Variants in TSNARE1 observed in about 807,000 individuals in gnomAD.
TSNARE1 encodes the protein t-SNARE domain containing 1.
In TSNARE1, 49 loss-of-function variants were observed where a neutral mutation model predicts 62.0. That is an observed-to-expected ratio of 0.79 (90% CI 0.63 to 1.00). The LOEUF (loss-of-function observed/expected upper bound fraction) is 1.00, where lower values mean the gene tolerates loss of function less well. Ranked by LOEUF, TSNARE1 falls within the 50% of genes least tolerant of loss-of-function variation. The pLI, the probability that TSNARE1 is intolerant of heterozygous loss-of-function variation, is 0.00. For synonymous variants in TSNARE1, 328 were observed against 294.4 expected (o/e 1.11, Z -1.17); for missense variants, 755 against 700.1 (o/e 1.08, Z -0.88).
chr8:142,303,385 C>A (rs573394146), intron 9 of TSNARE1, among the ~76,000 whole-genome samples: 39 of 152,326 alleles, frequency 2.6e-4, no homozygotes, highest in African/African-American at 8.7e-4. Flanking sequence ...CGTTTATGCC[C>A]AGGGCCCAGC....
At chr8:142,307,105 G>A (rs975993240) in intron 9 of TSNARE1, among the ~76,000 whole-genome samples, 4 of 152,174 alleles carry the variant, frequency 2.6e-5, no homozygotes, top group Non-Finnish European at 4.4e-5. Flanking sequence ...CGTTATGTCC[G>A]AGGCATCACT....
At chr8:142,347,762 T>C (rs1169802943) in intron 2 of TSNARE1, among the ~76,000 whole-genome samples, 1 of 51,810 alleles carries the variant, frequency 1.9e-5, no homozygotes, top group Non-Finnish European at 3.7e-5. Flanking sequence ...CCACACTGCA[T>C]CCGCTCACCC....
intron 6 of TSNARE1, among the ~76,000 whole-genome samples, chr8:142,326,788 C>T (rs1038428091): frequency 2.0e-5 from 3 of 152,176 alleles, no homozygotes; most frequent in Admixed American, 1.3e-4. Flanking sequence ...GAAAAATACC[C>T]GATCAGGACA....
At chr8:142,347,015 C>T (rs1379284814) in intron 2 of TSNARE1, among the ~76,000 whole-genome samples, 1 of 152,246 alleles carries the variant, frequency 6.6e-6, no homozygotes, top group Non-Finnish European at 1.5e-5. Flanking sequence ...ACCACACAGG[C>T]AGAGACAGGC....
At chr8:142,239,846 A>C (rs1453583911) in intron 12 of TSNARE1, among the ~76,000 whole-genome samples, 1 of 152,256 alleles carries the variant, frequency 6.6e-6, no homozygotes, top group African/African-American at 2.4e-5. Flanking sequence ...ACAATGGTGG[A>C]TGGGACCCAA....
chr8:142,313,813 G>A (rs10107365), intron 9 of TSNARE1, among the ~76,000 whole-genome samples: 34,697 of 152,028 alleles, frequency 0.23, 4,541 homozygotes, highest in African/African-American at 0.35. Flanking sequence ...TCACTCTGTC[G>A]CCCAGGCTGG....
At chr8:142,339,888 G>A (rs912165408) in intron 4 of TSNARE1, among the ~76,000 whole-genome samples, 12 of 152,266 alleles carry the variant, frequency 7.9e-5, no homozygotes, top group African/African-American at 1.7e-4. Flanking sequence ...CAGCTGCGCC[G>A]GGGGTGTCTC....
At chr8:142,401,088 G>C (rs1838257791) in intron 1 of TSNARE1, among the ~76,000 whole-genome samples, 3 of 152,140 alleles carry the variant, frequency 2.0e-5, no homozygotes, top group Admixed American at 6.5e-5. Context: ...TCCCCACCTG[G>C]AAGGTGACTC....
At chr8:142,268,590 C>T (rs983294792) in intron 12 of TSNARE1, among the ~76,000 whole-genome samples, 2 of 152,170 alleles carry the variant, frequency 1.3e-5, no homozygotes, top group African/African-American at 4.8e-5. Context: ...CAGTCCCTTC[C>T]GTCTTAGTAA....
chr8:142,402,806 G>A (rs973823722), intron 1 of TSNARE1: 1 of 152,212 alleles, frequency 6.6e-6, no homozygotes, highest in South Asian at 2.1e-4. Context: ...TCTGAACAGC[G>A]CGCGAGGACC....
chr8:142,378,490 G>A (rs1564002334), intron 1 of TSNARE1, among the ~76,000 whole-genome samples: 1 of 152,178 alleles, frequency 6.6e-6, no homozygotes, highest in Admixed American at 6.5e-5. Context: ...AATTATACAC[G>A]CTTGAAGTTT....
At chr8:142,337,148 G>T (rs1356255216) in intron 4 of TSNARE1, among the ~76,000 whole-genome samples, 1 of 152,056 alleles carries the variant, frequency 6.6e-6, no homozygotes, top group East Asian at 1.9e-4. Flanking sequence ...AATCAATAGA[G>T]AAAACTAATG....
intron 11 of TSNARE1, among the ~76,000 whole-genome samples, chr8:142,280,949 G>T (rs990248150): frequency 6.6e-6 from 1 of 152,188 alleles, no homozygotes; most frequent in African/African-American, 2.4e-5. Context: ...TTGAGGGGCC[G>T]GCCTGGCCCA....
chr8:142,379,198 A>G (rs969722412), intron 1 of TSNARE1, among the ~76,000 whole-genome samples: 1 of 152,210 alleles, frequency 6.6e-6, no homozygotes, highest in Non-Finnish European at 1.5e-5. Flanking sequence ...CCTCATCTGT[A>G]TAGTGGGCAT....
chr8:142,392,086 C>T (rs770321657), intron 1 of TSNARE1, among the ~76,000 whole-genome samples: 12 of 152,236 alleles, frequency 7.9e-5, no homozygotes, highest in South Asian at 2.1e-4. Context: ...TGCAATGGTG[C>T]GATCTCAGTT....
chr8:142,314,704 G>A (rs1300430439), intron 8 of TSNARE1, among the ~76,000 whole-genome samples: 1 of 152,236 alleles, frequency 6.6e-6, no homozygotes, highest in Non-Finnish European at 1.5e-5. Flanking sequence ...TCCACGCGTG[G>A]GAGCTCTCTG....
chr8:142,334,646 A>G (rs1831511126), intron 4 of TSNARE1, among the ~76,000 whole-genome samples: 2 of 152,268 alleles, frequency 1.3e-5, no homozygotes, highest in African/African-American at 4.8e-5. Flanking sequence ...TCCAAGGTAC[A>G]TTATAGGCAA....
chr8:142,274,710 C>T (rs1820151355), intron 12 of TSNARE1, 71 bp downstream of exon 12: 14 of 1,417,162 alleles, frequency 9.9e-6, no homozygotes, highest in Admixed American at 6.2e-5. Flanking sequence ...TCCAGACAGA[C>T]GGAGGGAGGG....
intron 12 of TSNARE1, among the ~76,000 whole-genome samples, chr8:142,256,376 C>A (rs867923548): frequency 0.014 from 57 of 4,176 alleles, no homozygotes; most frequent in African/African-American, 0.036. Context: ...ATCATCACCA[C>A]CATCATCATC....
Sources: gnomAD v4.1 joint callset for allele counts (sites outside exome capture counted in the v4.1 genomes callset) on GRCh38, gnomAD v4.1.1 for gene constraint, MANE v1.5 for transcripts, NCBI Gene and HGNC (gene_info 2026-07-23, HGNC 2026-07-21) for gene names.